Variants in PPIP5K2 observed in about 807,000 individuals in gnomAD.
The protein encoded by PPIP5K2 is inositol hexakisphosphate and diphosphoinositol-pentakisphosphate kinase 2.
PPIP5K2 carries 105 observed loss-of-function variants against 154.6 expected under a neutral mutation model. The ratio of observed to expected loss-of-function variants is 0.68; its 90% confidence interval spans 0.58 to 0.80. The LOEUF (loss-of-function observed/expected upper bound fraction) is 0.80. PPIP5K2 is among the 30% of genes least tolerant of loss of function. The pLI, the probability that PPIP5K2 is intolerant of heterozygous loss-of-function variation, is 0.00. For synonymous variants in PPIP5K2, 480 were observed against 490.3 expected (o/e 0.98, Z 0.28); for missense variants, 992 against 1,504.6 (o/e 0.66, Z 5.64).
intron 1 of PPIP5K2, among the ~76,000 whole-genome samples, chr5:103,123,929 C>CT (rs1789192794): frequency 6.6e-6 from 1 of 152,122 alleles, no homozygotes; most frequent in African/African-American, 2.4e-5. Context: ...AGTATCAGCG[C>CT]TTTAAGTGAA....
At position 103,186,398 on chromosome 5, in the gene PPIP5K2, G is replaced by T; in HGVS notation, c.3248G>T (p.Arg1083Leu). 2 of 1,613,882 alleles carry T rather than the reference G, an allele frequency of 1.2e-6. No individual in the cohort carries two copies. Among genetic ancestry groups the T allele is most frequent in the Non-Finnish European group, 1.7e-6 (2 of 1,179,862 alleles). Reference sequence around the variant, plus strand: ...GCACCTAACCTACAGGATTATGCTCGTACTCATCGTAAAAAGCTGACCTCT... The same window carrying T: ...GCACCTAACCTACAGGATTATGCTCTTACTCATCGTAAAAAGCTGACCTCT... Reference protein sequence around the residue: ...SSAPNLQDYARTHRKKLTSSG... With the variant: ...SSAPNLQDYALTHRKKLTSSG... The change falls in exon 27 of 31, where the codon CGT (arginine) becomes CTT (leucine). Residue 1083 changes from arginine (R) to leucine (L), a missense_variant. Physicochemically the swap from Arg to Leu is moderately radical, Grantham distance 102. Around this residue, in one of 9 missense-constraint regions of PPIP5K2, gnomAD observed 204 missense variants for 224.0 expected, o/e 0.91. Coordinates refer to ENST00000358359, the MANE Select transcript of PPIP5K2 (RefSeq NM_001276277.3).
intron 18 of PPIP5K2, among the ~76,000 whole-genome samples, chr5:103,167,545 T>C (rs1305787594): frequency 6.6e-6 from 1 of 151,978 alleles, no homozygotes; most frequent in Non-Finnish European, 1.5e-5. Flanking sequence ...GATTATCTTA[T>C]TATGCAGCAT....
At chr5:103,189,896 A>G (rs1045753169) in intron 28 of PPIP5K2, among the ~76,000 whole-genome samples, 1 of 152,110 alleles carries the variant, frequency 6.6e-6, no homozygotes, top group African/African-American at 2.4e-5. Flanking sequence ...TTGACTTTAT[A>G]TAAAACTTTG....
At position 103,156,003 on chromosome 5, in the gene PPIP5K2, T is replaced by C; in HGVS notation, c.1489+9T>C. On this transcript the variant is annotated intron_variant, in intron 14 of 30. Transcript: ENST00000358359. Reference sequence around the variant, plus strand: ...ATCTAGTGAAGAGGAGGGTATGTTATTCTTAATGCTTATACAGTAGTTTTA... The same window carrying C: ...ATCTAGTGAAGAGGAGGGTATGTTACTCTTAATGCTTATACAGTAGTTTTA... The C allele has an allele frequency of 1.3e-6, 2 of 1,520,962 alleles. No individual in the cohort carries two copies. Among genetic ancestry groups the C allele is most frequent in the Middle Eastern group, 1.7e-4 (1 of 5,878 alleles). 94.2% of individuals were successfully genotyped at this position (1,520,962 alleles called of 1,614,324 possible). A position where few individuals can be genotyped will look rare whatever the true frequency, so the allele number is the denominator to read the frequency against.
chr5:103,145,796 A>G (rs1793662779), intron 5 of PPIP5K2, among the ~76,000 whole-genome samples: 1 of 152,088 alleles, frequency 6.6e-6, no homozygotes, highest in South Asian at 2.1e-4. Context: ...TAGAATAAAT[A>G]AGATCCAGTA....
At chr5:103,200,940 G>A (rs1477367199) in intron 30 of PPIP5K2, among the ~76,000 whole-genome samples, 1 of 152,118 alleles carries the variant, frequency 6.6e-6, no homozygotes, top group Non-Finnish European at 1.5e-5. Context: ...GCCTGGCCTA[G>A]AATAGTTTTT....
At position 103,210,152 on chromosome 5, in the gene PPIP5K2, T is replaced by G. The variant is rs1803727672; in HGVS notation, c.*8518T>G. ...CACTCATATTGGAAGCGAATGGAGT[T>G]GACTTCACCAGTGGGAAAAGCAATT... On this transcript the variant is annotated 3_prime_UTR_variant, in exon 31 of 31. Coordinates refer to ENST00000358359, the MANE Select transcript of PPIP5K2 (RefSeq NM_001276277.3). The G allele has an allele frequency of 6.6e-6, 1 of 152,166 alleles. No individual in the cohort carries two copies. The highest frequency in any genetic ancestry group is 1.5e-5 in the Non-Finnish European group (1 of 68,024). 9.4% of individuals were successfully genotyped at this position (152,166 alleles called of 1,614,324 possible). A position where few individuals can be genotyped will look rare whatever the true frequency, so the allele number is the denominator to read the frequency against.
chr5:103,140,625 G>A (rs11953865), intron 5 of PPIP5K2, among the ~76,000 whole-genome samples: 8,898 of 151,942 alleles, frequency 0.059, 852 homozygotes, highest in African/African-American at 0.2. Context: ...CGAGGCGGGC[G>A]GATCACGAGG....
chr5:103,193,434 T>G (rs1294263290), intron 29 of PPIP5K2, among the ~76,000 whole-genome samples: 4 of 151,930 alleles, frequency 2.6e-5, no homozygotes, highest in African/African-American at 4.8e-5. Context: ...CTTCCAAGTT[T>G]TTTTCCTCAT....
At chr5:103,124,278 CA>C (rs71226931) in intron 1 of PPIP5K2, among the ~76,000 whole-genome samples, 196 of 126,780 alleles carry the variant, frequency 1.5e-3, no homozygotes, top group Middle Eastern at 4.5e-3. Flanking sequence ...GACTCCATCT[CA>C]AAAAAAAAAA....
intron 5 of PPIP5K2, 32 bp from the exon 6 acceptor site, chr5:103,146,495 T>A (rs149506938): frequency 6.3e-7 from 1 of 1,596,160 alleles, no homozygotes; most frequent in Admixed American, 1.7e-5. Context: ...TAAGAATATG[T>A]GATATTTCTT....
At chr5:103,167,731 C>T (rs1176019855) in intron 18 of PPIP5K2, among the ~76,000 whole-genome samples, 10 of 151,772 alleles carry the variant, frequency 6.6e-5, no homozygotes, top group African/African-American at 2.4e-4. Context: ...TCTAATGTTC[C>T]TCTGCTAGTC....
At chr5:103,152,801 C>A in intron 10 of PPIP5K2, 52 bp downstream of exon 10, 2 of 1,203,266 alleles carry the variant, frequency 1.7e-6, no homozygotes, top group Admixed American at 2.0e-5. Flanking sequence ...GCCATCTGTG[C>A]TATTAGGATA....
chr5:103,175,992 A>G (rs1430065733), intron 21 of PPIP5K2, among the ~76,000 whole-genome samples: 2 of 152,130 alleles, frequency 1.3e-5, no homozygotes, highest in Non-Finnish European at 2.9e-5. Flanking sequence ...ATATAATTAA[A>G]ATCTTACTCA....
At chr5:103,126,741 T>G (rs945914441) in intron 1 of PPIP5K2, among the ~76,000 whole-genome samples, 5 of 143,562 alleles carry the variant, frequency 3.5e-5, no homozygotes, top group Admixed American at 7.1e-5. Flanking sequence ...TCTAGCCTTT[T>G]CACGTTTTTT....
At chr5:103,133,698 A>G in intron 3 of PPIP5K2, 50 bp downstream of exon 3, 2 of 1,391,378 alleles carry the variant, frequency 1.4e-6, no homozygotes, top group Non-Finnish European at 1.9e-6. Context: ...TGTTTATAAA[A>G]CTAATACATA....
intron 4 of PPIP5K2, among the ~76,000 whole-genome samples, chr5:103,137,383 C>T (rs1038585987): frequency 6.6e-6 from 1 of 151,908 alleles, no homozygotes; most frequent in Non-Finnish European, 1.5e-5. Flanking sequence ...AGGATGGTCT[C>T]GATCTCCTGA....
intron 24 of PPIP5K2, 34 bp from the exon 25 acceptor site, chr5:103,183,176 CTTTTTTTTTTTTTTTTTTTTTTTT>C (rs781952635): frequency 1.1e-4 from 61 of 539,122 alleles, no homozygotes; most frequent in South Asian, 2.4e-4. Context: ...GCATGCTCTG[CTTTTTTTTTTTTTTTTTTTTTTTT>C]TTTTTTTTTT....
intron 19 of PPIP5K2, among the ~76,000 whole-genome samples, chr5:103,169,755 T>C (rs182290060): frequency 6.6e-6 from 1 of 151,888 alleles, no homozygotes; most frequent in East Asian, 1.9e-4. Flanking sequence ...ACAATTTCTT[T>C]CATTTAGCAA....
Sources: allele counts gnomAD v4.1 joint callset (sites outside exome capture counted in the v4.1 genomes callset), GRCh38; gene constraint gnomAD v4.1.1; regional missense constraint gnomAD v4.1.1; transcripts MANE v1.5; gene names NCBI Gene and HGNC (gene_info 2026-07-23, HGNC 2026-07-21).